The following DAB2 variants were observed in gnomAD, a reference collection of about 807,000 sequenced individuals.
DAB2 encodes disabled homolog 2.
In DAB2, 28 loss-of-function variants were observed where a neutral mutation model predicts 71.6. That is an observed-to-expected ratio of 0.39 (90% CI 0.29 to 0.54). The LOEUF is 0.54. Among genes scored for constraint, DAB2 ranks in the 20% least tolerant of loss-of-function variants. The probability of loss-of-function intolerance (pLI) is 0.68; values close to 1 mark genes in which losing one functional copy is unlikely to be tolerated. For missense variants in DAB2, 867 were observed against 928.8 expected (o/e 0.93, Z 0.86); for synonymous variants, 345 against 339.7 (o/e 1.02, Z -0.17).
chr5:39,374,970 T>G (rs1428371810), intron 14 of DAB2, 44 bp downstream of exon 14: 1 of 1,253,610 alleles, frequency 8.0e-7, no homozygotes, highest in Non-Finnish European at 1.2e-6. Flanking sequence ...TCACCCTTTC[T>G]CACAAAAACC....
chr5:39,413,299 G>A (rs1755773466), intron 1 of DAB2, among the ~76,000 whole-genome samples: 1 of 152,086 alleles, frequency 6.6e-6, no homozygotes, highest in African/African-American at 2.4e-5. Flanking sequence ...TAGATTCAAG[G>A]TTATCCCATC....
chr5:39,383,959 A>G (rs1755039386), intron 9 of DAB2, among the ~76,000 whole-genome samples: 3 of 152,168 alleles, frequency 2.0e-5, no homozygotes, highest in Admixed American at 6.5e-5. Flanking sequence ...GCTGATAGTC[A>G]AGTAGGATCT....
chr5:39,395,879 TGTGA>T (rs1237475792), intron 1 of DAB2, among the ~76,000 whole-genome samples: 4 of 151,838 alleles, frequency 2.6e-5, no homozygotes, highest in Non-Finnish European at 5.9e-5. Context: ...ATAGTAGTCC[TGTGA>T]GTATTACTGT....
chr5:39,394,256 GC>G lies in DAB2; in HGVS notation c.64del (p.Ala22HisfsTer19). ...GQPDQQAAPK[A>X]PSKKEKKKGP... ...TTTCTTTTTTTCCTTCTTTGAGGGT[GC>G]TTTTGGTGCGGCCTGTTGGTCGGGC... is the stretch of plus-strand genomic sequence containing the variant. On this transcript the variant is annotated frameshift_variant, in exon 2 of 15. Transcript: ENST00000320816. LOFTEE classifies it high-confidence loss of function. The G allele has an allele frequency of 1.2e-6, 2 of 1,614,082 alleles. No homozygotes were observed. The highest frequency in any genetic ancestry group is 8.5e-7 in the Non-Finnish European group (1 of 1,179,976).
chr5:39,404,671 C>T (rs944345816), intron 1 of DAB2, among the ~76,000 whole-genome samples: 1 of 151,938 alleles, frequency 6.6e-6, no homozygotes, highest in Non-Finnish European at 1.5e-5. Flanking sequence ...CTCCACCTCC[C>T]GGGTTCAAGC....
At chr5:39,403,309 CT>C (rs1177907224) in intron 1 of DAB2, among the ~76,000 whole-genome samples, 6 of 152,108 alleles carry the variant, frequency 3.9e-5, no homozygotes, top group Non-Finnish European at 5.9e-5. Context: ...TAGCATGAGA[CT>C]GTAATGCCTT....
chr5:39,394,049 T>C (rs921410632), intron 2 of DAB2, among the ~76,000 whole-genome samples, 181 bp downstream of exon 2: 1 of 152,234 alleles, frequency 6.6e-6, no homozygotes, highest in Non-Finnish European at 1.5e-5. Context: ...AGATGTCTTA[T>C]TACACGTGAG....
intron 4 of DAB2, among the ~76,000 whole-genome samples, chr5:39,391,808 T>G (rs1442294194): frequency 1.3e-5 from 2 of 151,710 alleles, no homozygotes; most frequent in East Asian, 3.9e-4. Flanking sequence ...GTTACATCTG[T>G]GAGGTGAGAA....
intron 6 of DAB2, 134 bp from the exon 7 acceptor site, chr5:39,389,257 C>T (rs1755168330): frequency 1.6e-6 from 1 of 611,180 alleles, no homozygotes; most frequent in Non-Finnish European, 2.8e-6. Flanking sequence ...CCCTCCGTTC[C>T]CCTCCCCTTT....
intron 1 of DAB2, among the ~76,000 whole-genome samples, chr5:39,403,041 C>A (rs1370106350): frequency 6.6e-6 from 1 of 152,088 alleles, no homozygotes; most frequent in Non-Finnish European, 1.5e-5. Context: ...GCATAGAGAC[C>A]CAGGTATCAA....
chr5:39,409,780 T>C (rs1755680465), intron 1 of DAB2, among the ~76,000 whole-genome samples: 1 of 152,158 alleles, frequency 6.6e-6, no homozygotes, highest in Admixed American at 6.5e-5. Context: ...TTAAACATTG[T>C]TCCTAATCCA....
chr5:39,406,103 C>T (rs1309122672), intron 1 of DAB2, among the ~76,000 whole-genome samples: 1 of 152,108 alleles, frequency 6.6e-6, no homozygotes, highest in Non-Finnish European at 1.5e-5. Flanking sequence ...AGCTGAGGCA[C>T]TTCTGGGAAA....
At chr5:39,409,851 A>G (rs548930596) in intron 1 of DAB2, among the ~76,000 whole-genome samples, 15 of 152,184 alleles carry the variant, frequency 9.9e-5, no homozygotes, top group Non-Finnish European at 2.1e-4. Context: ...GATGACCTCT[A>G]CAGATAAGAT....
At chr5:39,418,718 C>T (rs1173685365) in intron 1 of DAB2, among the ~76,000 whole-genome samples, 2 of 152,184 alleles carry the variant, frequency 1.3e-5, no homozygotes, top group African/African-American at 4.8e-5. Context: ...AGACAGTCTT[C>T]TAATTTTCAG....
chr5:39,407,632 T>C (rs1755636507), intron 1 of DAB2, among the ~76,000 whole-genome samples: 1 of 152,262 alleles, frequency 6.6e-6, no homozygotes, highest in African/African-American at 2.4e-5. Flanking sequence ...ATGTGCAGCA[T>C]ACCTCACTCG....
intron 9 of DAB2, 66 bp from the exon 10 acceptor site, chr5:39,383,337 T>C: frequency 1.6e-6 from 2 of 1,232,804 alleles, no homozygotes; most frequent in Non-Finnish European, 2.3e-6. Flanking sequence ...ATGAGAAAAT[T>C]ACATAAGATG....
rs919207434 is a variant in DAB2 at position 39,372,801 on chromosome 5, A to T, written c.*630T>A. 1.3e-5 allele frequency: 2 copies of T among 152,164 alleles called. No individual in the cohort carries two copies. Among genetic ancestry groups the T allele is most frequent in the Non-Finnish European group, 2.9e-5 (2 of 68,024 alleles). The allele number at this position is 152,164 out of a possible 1,614,324, so 9.4% of individuals were successfully genotyped here. On this transcript the variant is annotated 3_prime_UTR_variant, in exon 15 of 15. Transcript: ENST00000320816. ...TAGCAAGAAATGGGAGAAAAGGACA[A>T]TCTTGGCCTTGGGAGAAATTGATCT...
At chr5:39,387,280 G>A (rs1013598229) in intron 9 of DAB2, among the ~76,000 whole-genome samples, 1 of 152,060 alleles carries the variant, frequency 6.6e-6, no homozygotes, top group Non-Finnish European at 1.5e-5. Flanking sequence ...ATAATTTCCT[G>A]ATACAAGAGA....
chr5:39,377,391 T>C (rs1380093591), intron 11 of DAB2, 109 bp from the exon 12 acceptor site: 13 of 1,137,610 alleles, frequency 1.1e-5, no homozygotes, highest in Non-Finnish European at 1.4e-5. Context: ...AACACCTCCA[T>C]TGAGCCCTGA....
Sources: allele counts gnomAD v4.1 joint callset (sites outside exome capture counted in the v4.1 genomes callset), GRCh38; gene constraint gnomAD v4.1.1; transcripts MANE v1.5; gene names NCBI Gene and HGNC (gene_info 2026-07-23, HGNC 2026-07-21).